TTC3: variants seen among roughly 807,000 people sequenced by gnomAD.
The protein encoded by TTC3 is tetratricopeptide repeat domain 3.
Under a neutral mutation model 249.6 loss-of-function variants are expected in TTC3, and 180 were observed. That is an observed-to-expected ratio of 0.72 (90% CI 0.64 to 0.82). The LOEUF (loss-of-function observed/expected upper bound fraction) is 0.82. Among genes scored for constraint, TTC3 ranks in the 40% least tolerant of loss-of-function variants. TTC3 has a pLI of 0.00. For missense variants in TTC3, 2,061 were observed against 2,398.4 expected (o/e 0.86, Z 2.94); for synonymous variants, 717 against 805.0 (o/e 0.89, Z 1.85).
intron 35 of TTC3, 99 bp from the exon 36 acceptor site, chr21:37,182,675 T>C: frequency 8.1e-7 from 1 of 1,237,568 alleles, no homozygotes; most frequent in Non-Finnish European, 1.1e-6. Flanking sequence ...ACTTAGGTCA[T>C]TGTTTAAGCT....
intron 15 of TTC3, among the ~76,000 whole-genome samples, chr21:37,128,475 T>A (rs1370977964): frequency 1.3e-5 from 2 of 152,356 alleles, no homozygotes; most frequent in East Asian, 3.9e-4. Context: ...ATGAACTCTC[T>A]ACTCTTGAGT....
intron 42 of TTC3, among the ~76,000 whole-genome samples, chr21:37,196,558 C>T (rs2084935767): frequency 6.6e-6 from 1 of 152,138 alleles, no homozygotes; most frequent in Admixed American, 6.6e-5. Flanking sequence ...TTTTAATGTG[C>T]ATATGTAAAT....
intron 15 of TTC3, 67 bp downstream of exon 15, chr21:37,126,210 C>A: frequency 6.9e-7 from 1 of 1,443,346 alleles, no homozygotes; most frequent in Non-Finnish European, 9.6e-7. Context: ...GGATGCCCTA[C>A]AATGTGCACA....
Position 37,088,181 on chromosome 21 carries a change from T to G in TTC3, c.188-15T>G. ...GAGGCACAAACATTAATTTTAAACT[T>G]TTTTTTTAATTAAGAATTTGACATC... is the stretch of plus-strand genomic sequence containing the variant. On this transcript the variant is annotated splice_polypyrimidine_tract_variant and intron_variant, in intron 3 of 45. Transcript: ENST00000355666. The G allele has an allele frequency of 1.3e-6, 2 of 1,530,732 alleles. No homozygotes were observed. The highest frequency in any genetic ancestry group is 2.4e-5 in the East Asian group (1 of 41,696). The allele number at this position is 1,530,732 out of a possible 1,614,324, so 94.8% of individuals were successfully genotyped here. A position where few individuals can be genotyped will look rare whatever the true frequency, so the allele number is the denominator to read the frequency against.
exon 33 of TTC3, chr21:37,166,365 A>G (rs1206377905): frequency 3.4e-5 from 55 of 1,614,048 alleles, no homozygotes; most frequent in Non-Finnish European, 4.4e-5. Flanking sequence ...GCTGCTGCCT[A>G]TTTTGAGGGT....
At position 37,167,629 on chromosome 21, in the gene TTC3, A is replaced by G. The variant is rs2081366045; in HGVS notation, c.4467+9A>G. The G allele has an allele frequency of 1.2e-6, 2 of 1,602,090 alleles. No individual in the cohort carries two copies. Among genetic ancestry groups the G allele is most frequent in the African/African-American group, 1.3e-5 (1 of 74,762 alleles). ...CTTTTGAGGAACGACAAGTGAGTCA[A>G]AATTACATTAAACTGTTTAAAGGTT... On this transcript the variant is annotated intron_variant, in intron 34 of 45. Coordinates refer to ENST00000355666, the Ensembl canonical transcript of TTC3.
At chr21:37,144,412 A>G (rs1193750105) in intron 20 of TTC3, 113 bp from the exon 21 acceptor site, 12 of 1,254,370 alleles carry the variant, frequency 9.6e-6, no homozygotes, top group South Asian at 3.1e-5. Context: ...ATTGCTGTTC[A>G]GTGATTCATC....
intron 2 of TTC3, 44 bp downstream of exon 2, chr21:37,087,445 A>C (rs371416089): frequency 1.9e-6 from 3 of 1,608,174 alleles, no homozygotes; most frequent in Non-Finnish European, 2.5e-6. Flanking sequence ...TTGTGTATTG[A>C]AGGTTTTCTG....
rs59761528 is a variant in TTC3 at position 37,172,854 on chromosome 21, A to G, written c.4617+110A>G. On this transcript the variant is annotated intron_variant, in intron 35 of 45. Coordinates refer to ENST00000355666, the Ensembl canonical transcript of TTC3. ...GAACTTCTGCATTGGTGGCTAAACA[A>G]AAGATTCTTTCTCAGAATCGCCTGC... is the stretch of plus-strand genomic sequence containing the variant. 4.3e-3 allele frequency: 5,598 copies of G among 1,303,000 alleles called. 172 individuals are homozygous for G. In the African/African-American group the frequency reaches 0.075, roughly 17 times the overall value. 80.7% of individuals were successfully genotyped at this position (1,303,000 alleles called of 1,614,324 possible). A position where few individuals can be genotyped will look rare whatever the true frequency, so the allele number is the denominator to read the frequency against.
At chr21:37,113,441 T>G (rs2075852791) in intron 11 of TTC3, among the ~76,000 whole-genome samples, 1 of 152,140 alleles carries the variant, frequency 6.6e-6, no homozygotes, top group Non-Finnish European at 1.5e-5. Flanking sequence ...CGCTATTGCT[T>G]CAAAGAGAAT....
At chr21:37,159,823 GT>G in intron 29 of TTC3, 78 bp downstream of exon 29, 1 of 1,353,158 alleles carries the variant, frequency 7.4e-7, no homozygotes, top group Non-Finnish European at 1.1e-6. Flanking sequence ...CCAGGCCAGT[GT>G]TTATTGACAT....
intron 27 of TTC3, among the ~76,000 whole-genome samples, chr21:37,155,871 G>A (rs1355843961): frequency 5.9e-5 from 9 of 152,168 alleles, no homozygotes. Context: ...GTTATTTTAG[G>A]TGTTGGGGAA....
chr21:37,118,864 A>C (rs1348445855), intron 11 of TTC3, among the ~76,000 whole-genome samples: 1 of 152,082 alleles, frequency 6.6e-6, no homozygotes, highest in African/African-American at 2.4e-5. Flanking sequence ...TTTCATCTTA[A>C]ATGCTATAGT....
chr21:37,182,761 T>C lies in TTC3; in HGVS notation c.4618-13T>C, dbSNP rs752527570. The stretch of plus-strand genomic sequence containing the variant: ...TTTTGCCATTTATTTAAGTACTTTC[T>C]AAATGTTTTTAGATCTCAAAGACGG... On this transcript the variant is annotated splice_polypyrimidine_tract_variant and intron_variant, in intron 35 of 45. Coordinates refer to ENST00000355666, the Ensembl canonical transcript of TTC3. 1 of 1,571,994 alleles carries C rather than the reference T, an allele frequency of 6.4e-7. No individual in the cohort carries two copies. Among genetic ancestry groups the C allele is most frequent in the Non-Finnish European group, 8.6e-7 (1 of 1,163,780 alleles).
At chr21:37,106,194 G>A (rs901178875) in intron 10 of TTC3, among the ~76,000 whole-genome samples, 1 of 152,148 alleles carries the variant, frequency 6.6e-6, no homozygotes, top group South Asian at 2.1e-4. Context: ...TAAGGTTATT[G>A]ACCATTTGGA....
chr21:37,137,622 G>T lies in TTC3; in HGVS notation c.1579-1012G>T, dbSNP rs774407254. Among the ~76,000 whole-genome samples the T allele has an allele frequency of 3.3e-5, 5 of 152,304 alleles. No homozygotes were observed. In the East Asian group the frequency reaches 9.6e-4, roughly 29 times the overall value. ...TGAAATGGAATCTACTCCTTGTGAA[G>T]ATGCTGGAATATTGTTGAAATGAGA... On this transcript the variant is annotated intron_variant, in intron 18 of 45. Coordinates refer to ENST00000355666, the Ensembl canonical transcript of TTC3.
intron 10 of TTC3, chr21:37,098,991 A>G (rs1182054074): frequency 6.6e-6 from 1 of 152,110 alleles, no homozygotes; most frequent in Non-Finnish European, 1.5e-5. Flanking sequence ...GCGAGGATGC[A>G]CTCCTCAGCT....
intron 11 of TTC3, 150 bp from the exon 12 acceptor site, chr21:37,121,667 T>A: frequency 1.5e-6 from 1 of 677,442 alleles, no homozygotes. Flanking sequence ...TCCTGAGGTA[T>A]TAACATTTTA....
intron 34 of TTC3, among the ~76,000 whole-genome samples, chr21:37,169,986 A>G (rs2081607030): frequency 6.6e-6 from 1 of 152,214 alleles, no homozygotes; most frequent in Non-Finnish European, 1.5e-5. Flanking sequence ...TTATACCAAA[A>G]TAAGTTCCAG....
Sources: allele counts gnomAD v4.1 joint callset (sites outside exome capture counted in the v4.1 genomes callset), GRCh38; gene constraint gnomAD v4.1.1; transcripts MANE v1.5; gene names NCBI Gene and HGNC (gene_info 2026-07-23, HGNC 2026-07-21).